CYP4F8: variants seen among roughly 807,000 people sequenced by gnomAD.
The protein encoded by CYP4F8 is cytochrome P450 family 4 subfamily F member 8.
CYP4F8 carries 56 observed loss-of-function variants against 55.0 expected under a neutral mutation model. The ratio of observed to expected loss-of-function variants is 1.02; its 90% CI spans 0.82 to 1.27. The LOEUF is 1.27. Ranked by LOEUF, CYP4F8 falls within the 50% of genes most tolerant of loss-of-function variation. CYP4F8 has a pLI of 0.00. For synonymous variants in CYP4F8, 288 were observed against 267.3 expected (o/e 1.08, Z -0.76); for missense variants, 680 against 682.4 (o/e 1.00, Z 0.04).
intron 1 of CYP4F8, 87 bp from the exon 2 acceptor site, chr19:15,615,529 A>G: frequency 1.4e-6 from 2 of 1,438,270 alleles, no homozygotes; most frequent in Non-Finnish European, 1.9e-6. Flanking sequence ...CATGCTCTTA[A>G]CCATGTTTAC....
In CYP4F8 at chr19:15,623,129, G is replaced by T. The variant is rs1170374494; in HGVS notation, c.672G>T (p.Ala224=). The T allele has an allele frequency of 6.2e-7, 1 of 1,614,026 alleles. No homozygotes were observed. The highest frequency in any genetic ancestry group is 1.1e-5 in the South Asian group (1 of 91,068). The stretch of plus-strand genomic sequence containing the variant: ...GGAAGCCCAGTGAATATATTACTGC[G>T]ATCATGGAGCTCAGTGCCCTTGTAG... ...CQEKPSEYIT[A]IMELSALVVK... is the part of the protein sequence containing the mutation. Residue 224 remains alanine (A), a synonymous_variant, in exon 7 of 13, where the codon GCG becomes GCT. Transcript: ENST00000612078.
rs1268246171 is a variant in CYP4F8 at position 15,623,117 on chromosome 19, A to G, written c.660A>G (p.Glu220=). 6.2e-7 allele frequency: 1 copy of G among 1,613,972 alleles called. No homozygotes were observed. Among genetic ancestry groups the G allele is most frequent in the Admixed American group, 1.7e-5 (1 of 60,008 alleles). ...FDSNCQEKPS[E]YITAIMELSA... is the part of the protein sequence containing the mutation. ...ACTGGCCCTGCAGGAAGCCCAGTGAATATATTACTGCGATCATGGAGCTCA... is the reference window on the plus strand; with the variant it reads ...ACTGGCCCTGCAGGAAGCCCAGTGAGTATATTACTGCGATCATGGAGCTCA... Residue 220 remains glutamate (E), a synonymous_variant, in exon 7 of 13, where the codon GAA becomes GAG. Coordinates refer to ENST00000612078, the MANE Select transcript of CYP4F8 (RefSeq NM_007253.4).
Position 15,615,599 on chromosome 19 carries a change from T to A in CYP4F8, c.-1-17T>A. ...CTAGGCCTCAGGACCTCACCCTCCA[T>A]CCCGTCTGCCCTGCAGGATGTCGCT... is the stretch of plus-strand genomic sequence containing the variant. On this transcript the variant is annotated splice_polypyrimidine_tract_variant and intron_variant, in intron 1 of 12. Transcript: ENST00000612078. 2 of 1,611,930 alleles carry A rather than the reference T, an allele frequency of 1.2e-6. No individual in the cohort carries two copies. Among genetic ancestry groups the A allele is most frequent in the Non-Finnish European group, 1.7e-6 (2 of 1,179,202 alleles).
intron 3 of CYP4F8, 78 bp downstream of exon 3, chr19:15,618,222 G>T: frequency 6.2e-7 from 1 of 1,605,310 alleles, no homozygotes; most frequent in Non-Finnish European, 8.5e-7. Context: ...AAGCTTCTGT[G>T]CAGCTCTTGT....
rs142160672 is a variant in CYP4F8, at chr19:15,617,595, A to T, written c.199-405A>T. On this transcript the variant is annotated intron_variant, in intron 2 of 12. Coordinates refer to ENST00000612078, the MANE Select transcript of CYP4F8 (RefSeq NM_007253.4). Reference sequence around the variant, plus strand: ...GGAGAGACAGAAGAGGGCATTTATTATAGGAATTGACTCATGTTTATGGAA... The same window carrying T: ...GGAGAGACAGAAGAGGGCATTTATTTTAGGAATTGACTCATGTTTATGGAA... Among the ~76,000 whole-genome samples the T allele has an allele frequency of 3.9e-5, 6 of 152,144 alleles. No individual in the cohort carries two copies. In the East Asian group the frequency reaches 1.2e-3, roughly 30 times the overall value.
At position 15,619,497 on chromosome 19, in the gene CYP4F8, T is replaced by A; in HGVS notation, c.351T>A (p.Ile117=). 6.2e-7 allele frequency: 1 copy of A among 1,614,154 alleles called. No homozygotes were observed. The highest frequency in any genetic ancestry group is 8.5e-7 in the Non-Finnish European group (1 of 1,179,990). ...GGTCCTCATTCATGTCAGATGCCAT[T>A]ACAGACAAGGACATAGTCTTCTACA... ...VRSVINTSDA[I]TDKDIVFYKT... is the part of the protein sequence containing the mutation. Residue 117 remains isoleucine, a synonymous_variant, in exon 4 of 13, where the codon ATT becomes ATA. Coordinates refer to ENST00000612078, the MANE Select transcript of CYP4F8 (RefSeq NM_007253.4).
chr19:15,617,091 G>C (rs1169559261), intron 2 of CYP4F8, among the ~76,000 whole-genome samples: 1 of 152,208 alleles, frequency 6.6e-6, no homozygotes, highest in East Asian at 1.9e-4. Context: ...GGACATAAAA[G>C]GATGTGGGGA....
intron 3 of CYP4F8, chr19:15,618,421 G>T: frequency 1.8e-6 from 1 of 544,044 alleles, no homozygotes; most frequent in Non-Finnish European, 3.4e-6. Flanking sequence ...CCCCAAACTT[G>T]AAGAGATGGA....
chr19:15,621,265 G>A (rs933003859), intron 5 of CYP4F8, among the ~76,000 whole-genome samples: 4 of 152,114 alleles, frequency 2.6e-5, no homozygotes, highest in Admixed American at 2.0e-4. Flanking sequence ...GGGTTGACCG[G>A]GTGTGGTGGC....
At chr19:15,618,958 C>T (rs62106285) in intron 3 of CYP4F8, 24,219 of 168,504 alleles carry the variant, frequency 0.14, 2,228 homozygotes, top group Middle Eastern at 0.22. Context: ...GAGACCATGG[C>T]TCAAGCCCCA....
At chr19:15,625,100 C>T (rs892990817) in intron 9 of CYP4F8, among the ~76,000 whole-genome samples, 1 of 151,628 alleles carries the variant, frequency 6.6e-6, no homozygotes, top group Non-Finnish European at 1.5e-5. Flanking sequence ...ATTTTATACT[C>T]TAATAGTAAA....
chr19:15,616,963 G>C (rs1337365846), intron 2 of CYP4F8, among the ~76,000 whole-genome samples: 1 of 152,182 alleles, frequency 6.6e-6, no homozygotes, highest in Non-Finnish European at 1.5e-5. Flanking sequence ...GAGAGCCGCT[G>C]TTCTTCCTGA....
In CYP4F8 at chr19:15,615,782, A is replaced by T. The variant is rs759995465; in HGVS notation, c.166A>T (p.Lys56Ter). The T allele has an allele frequency of 1.7e-5, 28 of 1,613,530 alleles. 1 individual carries two copies. The Admixed American group carries it at 4.7e-4, about 27-fold the overall frequency. ...CCTCCGGTGTTTCCCGCAGCCCCGGAAACAGAACTGGTTCTTGGGTCACCT... is the reference window on the plus strand; with the variant it reads ...CCTCCGGTGTTTCCCGCAGCCCCGGTAACAGAACTGGTTCTTGGGTCACCT... ...RRLRCFPQPRKQNWFLGHLGL... is the reference protein window; with the variant it reads ...RRLRCFPQPR Residue 56 changes from lysine (K) to a stop codon, truncating the protein, a stop_gained, in exon 2 of 13, where the codon AAA (lysine) becomes TAA (stop). Coordinates refer to ENST00000612078, the MANE Select transcript of CYP4F8 (RefSeq NM_007253.4). LOFTEE classifies it high-confidence loss of function.
chr19:15,619,675 C>T lies in CYP4F8; in HGVS notation c.438C>T (p.His146=), dbSNP rs369331338. The T allele has an allele frequency of 1.2e-6, 2 of 1,614,102 alleles. No individual in the cohort carries two copies. Among genetic ancestry groups the T allele is most frequent in the African/African-American group, 2.7e-5 (2 of 74,930 alleles). ...TAAGTGTTGGTGACAAGTGGAGACACCACCGTCGCTTGCTGACGCCTGCCT... is the reference window on the plus strand; with the variant it reads ...TAAGTGTTGGTGACAAGTGGAGACATCACCGTCGCTTGCTGACGCCTGCCT... ...LLLSVGDKWR[H]HRRLLTPAFH... The change falls in exon 5 of 13, where the codon CAC becomes CAT. Residue 146 remains histidine, a synonymous_variant. Transcript: ENST00000612078.
At chr19:15,620,088 G>T (rs1568382697) in intron 5 of CYP4F8, among the ~76,000 whole-genome samples, 1 of 152,200 alleles carries the variant, frequency 6.6e-6, no homozygotes, top group African/African-American at 2.4e-5. Flanking sequence ...AATTGGTTTA[G>T]AGCAATAAGG....
At chr19:15,625,768 T>C (rs1972254862) in intron 9 of CYP4F8, among the ~76,000 whole-genome samples, 1 of 152,186 alleles carries the variant, frequency 6.6e-6, no homozygotes, top group South Asian at 2.1e-4. Context: ...AACGATGCTC[T>C]TCAATTCATG....
rs545469079 is a variant in CYP4F8, at chr19:15,620,430, G to A, written c.525+668G>A. Among the ~76,000 whole-genome samples, 5 of 152,192 alleles carry A rather than the reference G, an allele frequency of 3.3e-5. No individual in the cohort carries two copies. In the East Asian group the frequency reaches 5.8e-4, roughly 18 times the overall value. On this transcript the variant is annotated intron_variant, in intron 5 of 12. Transcript: ENST00000612078. ...TATTTTATTTTTGAGATGAAGTCTC[G>A]CTTTGTCTCCCAGGCTGGAGTGCAG...
intron 9 of CYP4F8, among the ~76,000 whole-genome samples, chr19:15,625,722 T>C (rs1972254337): frequency 6.6e-6 from 1 of 152,186 alleles, no homozygotes; most frequent in Non-Finnish European, 1.5e-5. Context: ...TGTTAATTAA[T>C]AAATTTTTTG....
At chr19:15,623,565 C>T (rs926755012) in intron 7 of CYP4F8, 134 bp from the exon 8 acceptor site, 20 of 986,702 alleles carry the variant, frequency 2.0e-5, no homozygotes, top group East Asian at 1.3e-4. Flanking sequence ...AACAGGAGGT[C>T]GGAAGGAAGC....
Sources: allele counts gnomAD v4.1 joint callset (sites outside exome capture counted in the v4.1 genomes callset), GRCh38; gene constraint gnomAD v4.1.1; transcripts MANE v1.5; gene names NCBI Gene and HGNC (gene_info 2026-07-23, HGNC 2026-07-21).